Variants in KIF26B observed in about 807,000 individuals in gnomAD.
The protein encoded by KIF26B is kinesin family member 26B.
Under a neutral mutation model 151.2 loss-of-function variants are expected in KIF26B, and 63 were observed. The observed-to-expected ratio is 0.42, with a 90% CI of 0.34 to 0.51. The LOEUF is 0.51. KIF26B is among the 20% of genes least tolerant of loss of function. The probability of loss-of-function intolerance (pLI) is 0.07; values close to 1 mark genes in which losing one functional copy is unlikely to be tolerated. For synonymous variants in KIF26B, 1,357 were observed against 1,262.1 expected (o/e 1.08, Z -1.59); for missense variants, 2,813 against 2,913.6 (o/e 0.97, Z 0.79).
chr1:245,689,773 G>A (rs925379656), intron 12 of KIF26B, among the ~76,000 whole-genome samples: 1 of 152,228 alleles, frequency 6.6e-6, no homozygotes, highest in Middle Eastern at 3.4e-3. Context: ...GACCAGGCTG[G>A]TCTCGAACTC....
At chr1:245,484,874 C>G (rs1660248132) in intron 4 of KIF26B, among the ~76,000 whole-genome samples, 1 of 151,174 alleles carries the variant, frequency 6.6e-6, no homozygotes, top group African/African-American at 2.4e-5. Context: ...CTGAGAGTTG[C>G]TTTTTTTTGA....
chr1:245,679,442 G>GTT (rs111961107), intron 10 of KIF26B, among the ~76,000 whole-genome samples: 5 of 74,208 alleles, frequency 6.7e-5, no homozygotes, highest in South Asian at 5.1e-4. Flanking sequence ...GGTTTTTTGT[G>GTT]TTTTTTTTGT....
In KIF26B at chr1:245,517,909, A is replaced by G. The variant is rs12733541; in HGVS notation, c.1167-22858A>G. Among the ~76,000 whole-genome samples, 8 of 140,336 alleles carry G rather than the reference A, an allele frequency of 5.7e-5. No individual in the cohort carries two copies. In the East Asian group the frequency reaches 1.4e-3, roughly 25 times the overall value. The allele number at this position is 140,336 out of a possible 152,430, so 92.1% of individuals were successfully genotyped here. A position where few individuals can be genotyped will look rare whatever the true frequency, so the allele number is the denominator to read the frequency against. ...TTTTTTTGAGAATGAGTCTCACTCT[A>G]TCGCGCAGGCCGGAGTGCAGTGGCA... On this transcript the variant is annotated intron_variant, in intron 4 of 14. Transcript: ENST00000407071.
chr1:245,165,706 A>G (rs1435260152), intron 2 of KIF26B, among the ~76,000 whole-genome samples: 2 of 152,144 alleles, frequency 1.3e-5, no homozygotes, highest in Admixed American at 6.5e-5. Context: ...GAGGGATGAA[A>G]AACCAGGAGA....
intron 2 of KIF26B, among the ~76,000 whole-genome samples, chr1:245,305,399 A>G (rs901084368): frequency 8.5e-5 from 13 of 152,230 alleles, no homozygotes; most frequent in African/African-American, 3.1e-4. Context: ...ACTCAATAAT[A>G]AAAAGACAAG....
chr1:245,691,146 C>G (rs745878498), intron 12 of KIF26B, among the ~76,000 whole-genome samples: 1 of 152,206 alleles, frequency 6.6e-6, no homozygotes, highest in Non-Finnish European at 1.5e-5. Context: ...GTGGCTTTCA[C>G]AGGTTTTTGT....
chr1:245,413,826 A>G (rs1388582398), intron 3 of KIF26B, among the ~76,000 whole-genome samples: 2 of 152,056 alleles, frequency 1.3e-5, no homozygotes, highest in Non-Finnish European at 2.9e-5. Flanking sequence ...AGGGAGGGAG[A>G]TGGAACTGAG....
At chr1:245,580,117 C>G (rs6699248) in intron 5 of KIF26B, among the ~76,000 whole-genome samples, 17,129 of 152,214 alleles carry the variant, frequency 0.11, 1,242 homozygotes, top group Middle Eastern at 0.21. Context: ...CTGAGCATAA[C>G]TGCTGTAACA....
intron 2 of KIF26B, among the ~76,000 whole-genome samples, chr1:245,280,394 A>G (rs1401648625): frequency 2.7e-5 from 4 of 149,986 alleles, no homozygotes; most frequent in Non-Finnish European, 6.0e-5. Context: ...AGCAGGGCAT[A>G]GTGGCGGGCG....
intron 5 of KIF26B, among the ~76,000 whole-genome samples, chr1:245,589,864 C>T (rs540745106): frequency 6.6e-6 from 1 of 152,170 alleles, no homozygotes; most frequent in Non-Finnish European, 1.5e-5. Context: ...ACAGAAGACA[C>T]TAAATCGGGT....
At chr1:245,304,906 C>A (rs1023969465) in intron 2 of KIF26B, among the ~76,000 whole-genome samples, 3 of 152,024 alleles carry the variant, frequency 2.0e-5, no homozygotes, top group African/African-American at 7.2e-5. Flanking sequence ...GGTCTCAGTG[C>A]AGAAATGGCT....
chr1:245,657,326 A>G (rs10924287), intron 10 of KIF26B, among the ~76,000 whole-genome samples: 88,852 of 151,978 alleles, frequency 0.58, 26,261 homozygotes, highest in Middle Eastern at 0.64. Context: ...TGAGCCTGAA[A>G]TCGCGCGCTG....
intron 2 of KIF26B, among the ~76,000 whole-genome samples, chr1:245,191,719 A>G (rs540502221): frequency 6.6e-6 from 1 of 152,360 alleles, no homozygotes; most frequent in Admixed American, 6.5e-5. Context: ...TCTTTAATAT[A>G]GAATTTTTAA....
At chr1:245,383,202 A>G (rs1206641989) in intron 3 of KIF26B, among the ~76,000 whole-genome samples, 3 of 152,072 alleles carry the variant, frequency 2.0e-5, no homozygotes, top group Non-Finnish European at 4.4e-5. Flanking sequence ...AATAATTAAC[A>G]TGCCCCTGAA....
Position 245,707,066 on chromosome 1 carries a change from G to A in KIF26B, c.*4460G>A, listed in dbSNP as rs1047693724. ...GTTCATTATTTCCATCATAATGCAA[G>A]CGTAATTCTAATCCGGGAGAAGATA... On this transcript the variant is annotated 3_prime_UTR_variant, in exon 15 of 15. Transcript: ENST00000407071. 1 of 152,112 alleles carries A rather than the reference G, an allele frequency of 6.6e-6. No homozygotes were observed. Among genetic ancestry groups the A allele is most frequent in the Non-Finnish European group, 1.5e-5 (1 of 68,028 alleles). The allele number at this position is 152,112 out of a possible 1,614,324, so 9.4% of individuals were successfully genotyped here.
chr1:245,215,651 C>T (rs1014320128), intron 2 of KIF26B, among the ~76,000 whole-genome samples: 6 of 152,164 alleles, frequency 3.9e-5, no homozygotes, highest in African/African-American at 1.2e-4. Flanking sequence ...AAAATGGAAT[C>T]GAAGCTGGTC....
intron 4 of KIF26B, among the ~76,000 whole-genome samples, chr1:245,521,400 C>T (rs1395648494): frequency 2.0e-5 from 3 of 151,658 alleles, no homozygotes; most frequent in African/African-American, 7.3e-5. Context: ...AAATAACCAT[C>T]TTCCCTATAG....
In KIF26B at chr1:245,512,572, G is replaced by A. The variant is rs1229840782; in HGVS notation, c.1167-28195G>A. ...TCAAGGGCTGTAGCACTGGGCACCC[G>A]AGGGGATCAGCCTAAACCCAAATGA... is the stretch of plus-strand genomic sequence containing the variant. On this transcript the variant is annotated intron_variant, in intron 4 of 14. Transcript: ENST00000407071. The surrounding 1 kb of genome is among the most constrained non-coding windows in gnomAD (Gnocchi z 4.3). 2.0e-5 allele frequency among the ~76,000 whole-genome samples: 3 copies of A among 152,114 alleles called. No individual in the cohort carries two copies. The highest frequency in any genetic ancestry group is 2.9e-5 in the Non-Finnish European group (2 of 68,018).
intron 2 of KIF26B, among the ~76,000 whole-genome samples, chr1:245,225,731 G>T (rs535224497): frequency 2.1e-4 from 32 of 152,276 alleles, no homozygotes; most frequent in African/African-American, 7.5e-4. Flanking sequence ...GGAAGGGTTT[G>T]AGCCCGAGTT....
Sources: allele counts gnomAD v4.1 joint callset (sites outside exome capture counted in the v4.1 genomes callset), GRCh38; gene constraint gnomAD v4.1.1; non-coding constraint Gnocchi (gnomAD v3.1); transcripts MANE v1.5; gene names NCBI Gene and HGNC (gene_info 2026-07-23, HGNC 2026-07-21).